Variants in C8orf89 observed in about 807,000 individuals in gnomAD.
The protein encoded by C8orf89 is putative uncharacterized protein C8orf89.
A neutral mutation model predicts 15.8 loss-of-function variants in C8orf89; 14 were observed. That is an observed-to-expected ratio of 0.89 (90% CI 0.59 to 1.39). The LOEUF (loss-of-function observed/expected upper bound fraction) is 1.39. C8orf89 is among the 40% of genes most tolerant of loss of function. C8orf89 has a pLI of 0.00. For synonymous variants in C8orf89, 55 were observed against 62.2 expected (o/e 0.88, Z 0.54); for missense variants, 181 against 184.5 (o/e 0.98, Z 0.11).
intron 3 of C8orf89, among the ~76,000 whole-genome samples, chr8:73,248,874 T>C (rs1250165894): frequency 6.6e-6 from 1 of 152,214 alleles, no homozygotes; most frequent in Non-Finnish European, 1.5e-5. Flanking sequence ...TATAGGATCA[T>C]GTCATCTACA....
rs1028622940 is a variant in C8orf89 at position 73,250,292 on chromosome 8, C to A, written c.313G>T (p.Ala105Ser). 23 of 1,533,208 alleles carry A rather than the reference C, an allele frequency of 1.5e-5. No homozygotes were observed. The highest frequency in any genetic ancestry group is 2.0e-5 in the Non-Finnish European group (23 of 1,144,872). The allele number at this position is 1,533,208 out of a possible 1,614,324, so 95.0% of individuals were successfully genotyped here. A position where few individuals can be genotyped will look rare whatever the true frequency, so the allele number is the denominator to read the frequency against. The change falls in exon 3 of 4, where the codon GCA (alanine) becomes TCA (serine). Residue 105 changes from alanine (A) to serine (S), a missense_variant. Coordinates refer to ENST00000624510, the MANE Select transcript of C8orf89 (RefSeq NM_001243237.3). ...CCTTTTGATTTCTCCCAAAGTGGTG[C>A]CACACTGCATGTCTCCTTAGTCTTC... ...LKKTKETCSVAPLWEKSKGSG... is the reference protein window; with the variant it reads ...LKKTKETCSVSPLWEKSKGSG...
chr8:73,280,929 A>T, the C8orf89 span, among the ~76,000 whole-genome samples: 1 of 152,126 alleles, frequency 6.6e-6, no homozygotes, highest in Non-Finnish European at 1.5e-5. Flanking sequence ...TAATATAATG[A>T]GCTACTTTCG....
At chr8:73,277,328 G>C in the C8orf89 span, 1 of 700,728 alleles carries the variant, frequency 1.4e-6, no homozygotes, top group Non-Finnish European at 2.5e-6. Flanking sequence ...GAATGCCCCT[G>C]GTTATCCCTG....
chr8:73,275,231 C>CTT, the C8orf89 span, among the ~76,000 whole-genome samples: 778 of 84,762 alleles, frequency 9.2e-3, 1 homozygote, highest in Non-Finnish European at 0.011. Context: ...TGTAATAGTT[C>CTT]TTTTTTTTTT....
the C8orf89 span, among the ~76,000 whole-genome samples, chr8:73,272,330 G>A: frequency 0.017 from 2,577 of 152,064 alleles, 77 homozygotes; most frequent in African/African-American, 0.059. Context: ...GACCTAATCA[G>A]GGCTTAATAT....
At chr8:73,254,502 C>T (rs546426332) in intron 2 of C8orf89, among the ~76,000 whole-genome samples, 2 of 152,302 alleles carry the variant, frequency 1.3e-5, no homozygotes, top group African/African-American at 2.4e-5. Context: ...AATGAGGCCT[C>T]CTCTATTCCC....
At chr8:73,259,051 G>T (rs1037774771) in intron 1 of C8orf89, among the ~76,000 whole-genome samples, 1 of 151,926 alleles carries the variant, frequency 6.6e-6, no homozygotes, top group African/African-American at 2.4e-5. Flanking sequence ...ATTCAACAGA[G>T]ACAGTACTGC....
At chr8:73,261,638 T>C (rs926342021), upstream of C8orf89, among the ~76,000 whole-genome samples, 1 of 152,196 alleles carries the variant, frequency 6.6e-6, no homozygotes, top group Non-Finnish European at 1.5e-5. Context: ...TTTTAGATTT[T>C]GTGATGAGAT....
chr8:73,247,020 T>A (rs1252049147), intron 3 of C8orf89, among the ~76,000 whole-genome samples: 1 of 152,200 alleles, frequency 6.6e-6, no homozygotes, highest in Non-Finnish European at 1.5e-5. Context: ...TAAAATAAGG[T>A]TTTAAAAATC....
chr8:73,262,900 A>G (rs1178582265), upstream of C8orf89, among the ~76,000 whole-genome samples: 2 of 152,198 alleles, frequency 1.3e-5, no homozygotes, highest in Non-Finnish European at 2.9e-5. Context: ...TGAAATCATG[A>G]AAAACCAAAT....
the C8orf89 span, among the ~76,000 whole-genome samples, chr8:73,269,309 T>G: frequency 6.6e-6 from 1 of 152,296 alleles, no homozygotes; most frequent in East Asian, 1.9e-4. Context: ...ATAAAATATA[T>G]TTTGCTGTTA....
intron 2 of C8orf89, among the ~76,000 whole-genome samples, chr8:73,250,747 T>G (rs1485988565): frequency 6.6e-6 from 1 of 152,218 alleles, no homozygotes. Context: ...AGGGGAAATA[T>G]ATCATGATTG....
chr8:73,252,200 T>C (rs2130266268), intron 2 of C8orf89, among the ~76,000 whole-genome samples: 1 of 152,360 alleles, frequency 6.6e-6, no homozygotes, highest in African/African-American at 2.4e-5. Context: ...AAGCTATATG[T>C]ATGATATTGT....
chr8:73,257,195 CAT>C, intron 1 of C8orf89, 69 bp from the exon 2 acceptor site: 1 of 957,470 alleles, frequency 1.0e-6, no homozygotes, highest in East Asian at 2.9e-5. Context: ...TCCTAAAACA[CAT>C]AATAAAATAC....
the C8orf89 span, among the ~76,000 whole-genome samples, chr8:73,271,480 C>T: frequency 3.9e-5 from 6 of 152,148 alleles, no homozygotes; most frequent in South Asian, 4.1e-4. Context: ...CCTCTTTGCA[C>T]GTGCCCACTT....
the C8orf89 span, among the ~76,000 whole-genome samples, chr8:73,281,736 GAGA>G: frequency 6.6e-6 from 1 of 152,378 alleles, no homozygotes; most frequent in East Asian, 1.9e-4. Flanking sequence ...AACTGTGGGA[GAGA>G]AGGTTGTTTG....
the C8orf89 span, among the ~76,000 whole-genome samples, chr8:73,284,230 TG>T: frequency 0.39 from 15,328 of 39,118 alleles, 3,166 homozygotes; most frequent in Non-Finnish European, 0.44. Flanking sequence ...TTTTTTTTTT[TG>T]GTGATGGAGT....
the C8orf89 span, among the ~76,000 whole-genome samples, chr8:73,272,394 C>T: frequency 2.0e-5 from 3 of 152,052 alleles, no homozygotes; most frequent in Admixed American, 2.0e-4. Flanking sequence ...CTTGAATACT[C>T]ACTGTACCAA....
chr8:73,271,712 C>T, the C8orf89 span, among the ~76,000 whole-genome samples: 1,804 of 152,232 alleles, frequency 0.012, 35 homozygotes, highest in African/African-American at 0.041. Context: ...CATTTTCATG[C>T]TGCTGATAAA....
Sources: allele counts gnomAD v4.1 joint callset (sites outside exome capture counted in the v4.1 genomes callset), GRCh38; gene constraint gnomAD v4.1.1; transcripts MANE v1.5; gene names NCBI Gene and HGNC (gene_info 2026-07-23, HGNC 2026-07-21).